The following UNC13B variants were observed in gnomAD, a reference collection of about 807,000 sequenced individuals.
UNC13B encodes protein unc-13 homolog B.
In UNC13B, 144 loss-of-function variants were observed where a neutral mutation model predicts 211.0. That is an observed-to-expected ratio of 0.68 (90% CI 0.60 to 0.78). UNC13B has a LOEUF of 0.78. Ranked by LOEUF, UNC13B falls within the 30% of genes least tolerant of loss-of-function variation. UNC13B has a pLI of 0.00. For synonymous variants in UNC13B, 709 were observed against 725.8 expected (o/e 0.98, Z 0.37); for missense variants, 1,777 against 2,002.0 (o/e 0.89, Z 2.14).
intron 1 of UNC13B, among the ~76,000 whole-genome samples, chr9:35,166,832 T>C (rs1050031652): frequency 6.6e-6 from 1 of 152,238 alleles, no homozygotes; most frequent in Non-Finnish European, 1.5e-5. Context: ...GAAATTTTCA[T>C]TGCAGATGAG....
At chr9:35,278,511 C>T (rs371238448) in intron 7 of UNC13B, among the ~76,000 whole-genome samples, 172 of 152,260 alleles carry the variant, frequency 1.1e-3, no homozygotes, top group Non-Finnish European at 1.6e-3. Context: ...TCCACTTCTT[C>T]AATGTCCTCT....
At chr9:35,220,422 C>T (rs116170678) in intron 1 of UNC13B, among the ~76,000 whole-genome samples, 229 of 151,554 alleles carry the variant, frequency 1.5e-3, no homozygotes, top group African/African-American at 4.5e-3. Flanking sequence ...ATCATCCCCA[C>T]TTCCCCCCCA....
chr9:35,237,699 C>T lies in UNC13B; in HGVS notation c.271-4C>T, dbSNP rs1213053728. ...AACTTTAATCTTAGATCTTTGTTTC[C>T]TAGGAAGGGCCTGGGGAATGGTCCA... On this transcript the variant is annotated splice_region_variant and splice_polypyrimidine_tract_variant and intron_variant, in intron 4 of 39. Coordinates refer to ENST00000635942, the MANE Select transcript of UNC13B (RefSeq NM_001371189.2). 2 of 1,609,996 alleles carry T rather than the reference C, an allele frequency of 1.2e-6. No homozygotes were observed. The highest frequency in any genetic ancestry group is 1.7e-6 in the Non-Finnish European group (2 of 1,179,058).
At chr9:35,310,431 T>C in intron 9 of UNC13B, 36 bp from the exon 10 acceptor site, 3 of 1,598,320 alleles carry the variant, frequency 1.9e-6, no homozygotes, top group Non-Finnish European at 2.6e-6. Context: ...CCTGATTGCA[T>C]TTATTTACTT....
rs763846371 is a variant in UNC13B, at chr9:35,300,684, G to T, written c.1280G>T (p.Cys427Phe). Residue 427 changes from cysteine (C) to phenylalanine (F), a missense_variant, in exon 9 of 40, where the codon TGT becomes TTT. Cys to Phe is a radical substitution (Grantham distance 205, BLOSUM62 -2). Coordinates refer to ENST00000635942, the MANE Select transcript of UNC13B (RefSeq NM_001371189.2). Reference sequence around the variant, plus strand: ...GCATTGCCATTACAAAGGATGAATTGTGATGCAAAAACACTTGGAGATCTG... The same window carrying T: ...GCATTGCCATTACAAAGGATGAATTTTGATGCAAAAACACTTGGAGATCTG... ...NSALPLQRMN[C>F]DAKTLGDLSE... The T allele has an allele frequency of 1.3e-5, 5 of 398,880 alleles. No homozygotes were observed. The highest frequency in any genetic ancestry group is 2.2e-5 in the Non-Finnish European group (5 of 226,044). 24.7% of individuals were successfully genotyped at this position (398,880 alleles called of 1,614,324 possible).
Position 35,238,493 on chromosome 9 carries a change from C to G in UNC13B, c.394+667C>G, listed in dbSNP as rs78437868. Among the ~76,000 whole-genome samples, 41 of 152,102 alleles carry G rather than the reference C, an allele frequency of 2.7e-4. No individual in the cohort carries two copies. The East Asian group carries it at 7.9e-3, about 29-fold the overall frequency. Reference sequence around the variant, plus strand: ...TTAGACATTTATCCTGAACATCGCTCCATGTTATACTTTAAGATCTGTCTT... The same window carrying G: ...TTAGACATTTATCCTGAACATCGCTGCATGTTATACTTTAAGATCTGTCTT... On this transcript the variant is annotated intron_variant, in intron 5 of 39. Coordinates refer to ENST00000635942, the MANE Select transcript of UNC13B (RefSeq NM_001371189.2).
At chr9:35,183,584 G>A (rs7868567) in intron 1 of UNC13B, among the ~76,000 whole-genome samples, 2,419 of 142,194 alleles carry the variant, frequency 0.017, 104 homozygotes, top group African/African-American at 0.06. Flanking sequence ...CAGGCAGGGC[G>A]GCTGGGCAGA....
At chr9:35,224,419 T>G (rs1824724757) in intron 1 of UNC13B, among the ~76,000 whole-genome samples, 1 of 152,242 alleles carries the variant, frequency 6.6e-6, no homozygotes, top group Admixed American at 6.5e-5. Context: ...TAAATGTGAT[T>G]ACTTTTTAAA....
At chr9:35,363,943 A>G (rs940017249) in intron 11 of UNC13B, among the ~76,000 whole-genome samples, 1 of 152,212 alleles carries the variant, frequency 6.6e-6, no homozygotes, top group African/African-American at 2.4e-5. Flanking sequence ...CCAGGCCTGT[A>G]GCCATTCAGC....
chr9:35,372,554 G>A (rs1834208156), intron 13 of UNC13B, among the ~76,000 whole-genome samples: 1 of 11,012 alleles, frequency 9.1e-5, no homozygotes, highest in Admixed American at 9.9e-4. Flanking sequence ...TAGCAAGGCA[G>A]CCCCAGCTCT....
At chr9:35,376,748 G>C in intron 15 of UNC13B, among the ~76,000 whole-genome samples, 1 of 152,194 alleles carries the variant, frequency 6.6e-6, no homozygotes, top group African/African-American at 2.4e-5. Context: ...TCTGGTAGAG[G>C]TCCAAGAGGA....
intron 11 of UNC13B, among the ~76,000 whole-genome samples, chr9:35,335,834 G>C (rs1831623378): frequency 6.6e-6 from 1 of 151,922 alleles, no homozygotes; most frequent in Non-Finnish European, 1.5e-5. Flanking sequence ...GATTAGAATA[G>C]CTAGGACTAC....
intron 10 of UNC13B, among the ~76,000 whole-genome samples, chr9:35,312,641 C>G (rs981790473): frequency 6.6e-6 from 1 of 152,200 alleles, no homozygotes; most frequent in African/African-American, 2.4e-5. Flanking sequence ...ACAGTTGACA[C>G]ATTTAGTTGG....
At chr9:35,387,678 T>G (rs1835273226) in intron 24 of UNC13B, among the ~76,000 whole-genome samples, 1 of 152,224 alleles carries the variant, frequency 6.6e-6, no homozygotes, top group Non-Finnish European at 1.5e-5. Context: ...TACACTGGCA[T>G]AAACTCTTGA....
intron 1 of UNC13B, among the ~76,000 whole-genome samples, chr9:35,186,078 TAC>T (rs1587325253): frequency 6.6e-6 from 1 of 152,134 alleles, no homozygotes; most frequent in Admixed American, 6.5e-5. Context: ...TGCCTCATCA[TAC>T]AGTGTTCCCT....
intron 7 of UNC13B, among the ~76,000 whole-genome samples, chr9:35,262,561 G>T (rs531428910): frequency 6.6e-6 from 1 of 151,808 alleles, no homozygotes; most frequent in Non-Finnish European, 1.5e-5. Flanking sequence ...CCAGTGATCC[G>T]CCCACCTCAG....
chr9:35,385,584 C>A, intron 22 of UNC13B, 140 bp from the exon 23 acceptor site: 1 of 1,410,390 alleles, frequency 7.1e-7, no homozygotes, highest in South Asian at 1.7e-5. Flanking sequence ...AGACCTGTAA[C>A]TTTACAGTGT....
In UNC13B at chr9:35,305,596, C is replaced by G. The variant is rs1012878299; in HGVS notation, c.6192C>G (p.Ile2064Met). 7.5e-6 allele frequency: 3 copies of G among 398,744 alleles called. No homozygotes were observed. Among genetic ancestry groups the G allele is most frequent in the Non-Finnish European group, 1.3e-5 (3 of 225,994 alleles). The allele number at this position is 398,744 out of a possible 1,614,324, so 24.7% of individuals were successfully genotyped here. ...DSRLEESTRGIQGNDLTEKEV... is the reference protein window; with the variant it reads ...DSRLEESTRGMQGNDLTEKEV... ...GGTTAGAGGAATCAACTAGAGGGAT[C>G]CAGGGTAATGATTTGACTGAAAAAG... The change falls in exon 9 of 40, where the codon ATC becomes ATG. Residue 2064 changes from isoleucine (I) to methionine (M), a missense_variant. Coordinates refer to ENST00000635942, the MANE Select transcript of UNC13B (RefSeq NM_001371189.2).
chr9:35,162,504 A>G (rs758776539), intron 1 of UNC13B, among the ~76,000 whole-genome samples, 199 bp downstream of exon 1: 1 of 152,212 alleles, frequency 6.6e-6, no homozygotes, highest in Non-Finnish European at 1.5e-5. Context: ...GCAAGGGACG[A>G]TTAGCTCTCC....
Sources: gnomAD v4.1 joint callset for allele counts (sites outside exome capture counted in the v4.1 genomes callset) on GRCh38, gnomAD v4.1.1 for gene constraint, MANE v1.5 for transcripts, NCBI Gene and HGNC (gene_info 2026-07-23, HGNC 2026-07-21) for gene names.